CNTNAP5: variants seen among roughly 807,000 people sequenced by gnomAD.
CNTNAP5 encodes the protein contactin-associated protein-like 5.
Under a neutral mutation model 150.2 loss-of-function variants are expected in CNTNAP5, and 72 were observed. That is an observed-to-expected ratio of 0.48 (90% CI 0.40 to 0.58). CNTNAP5 has a LOEUF of 0.58. CNTNAP5 is among the 20% of genes least tolerant of loss of function. CNTNAP5 has a pLI of 0.00. For missense variants in CNTNAP5, 1,636 were observed against 1,626.2 expected, an observed-to-expected ratio of 1.01 and a Z score of -0.10; for synonymous variants, 672 against 619.8, an observed-to-expected ratio of 1.08 and a Z score of -1.25.
At chr2:124,285,677 C>G (rs1039986279) in intron 3 of CNTNAP5, among the ~76,000 whole-genome samples, 1 of 151,410 alleles carries the variant, frequency 6.6e-6, no homozygotes, top group Non-Finnish European at 1.5e-5. Flanking sequence ...GTGGCGTGTA[C>G]CTGTAGTCAG....
At chr2:124,425,981 C>T (rs1024454923) in intron 4 of CNTNAP5, among the ~76,000 whole-genome samples, 1 of 151,772 alleles carries the variant, frequency 6.6e-6, no homozygotes, top group African/African-American at 2.4e-5. Context: ...TTCAACAGTC[C>T]AGTTGAACTA....
At chr2:124,081,771 C>T (rs1682563720) in intron 1 of CNTNAP5, among the ~76,000 whole-genome samples, 1 of 152,136 alleles carries the variant, frequency 6.6e-6, no homozygotes, top group African/African-American at 2.4e-5. Context: ...TTGACCTGTT[C>T]ATTTTGAGAT....
In CNTNAP5 at chr2:124,465,649, G is replaced by T. The variant is rs780625998; in HGVS notation, c.919-9090G>T. ...ATCTGTGCCTCTGAGAAAATTTTAA[G>T]GAGGTATTCCACAAACATTCAACAA... On this transcript the variant is annotated intron_variant, in intron 6 of 23. Transcript: ENST00000682447. 4.6e-5 allele frequency among the ~76,000 whole-genome samples: 7 copies of T among 152,176 alleles called. No individual in the cohort carries two copies. In the South Asian group the frequency reaches 1.2e-3, roughly 27 times the overall value.
chr2:124,546,364 A>ATGTGTG (rs144497613), intron 10 of CNTNAP5, among the ~76,000 whole-genome samples: 179 of 150,618 alleles, frequency 1.2e-3, no homozygotes, highest in East Asian at 2.8e-3. Context: ...GGATTTCTCA[A>ATGTGTG]TGTGTGTGTG....
Position 124,911,469 on chromosome 2 carries a change from C to T in CNTNAP5, c.3658C>T (p.Pro1220Ser). 1.3e-6 allele frequency: 2 copies of T among 1,594,660 alleles called. No homozygotes were observed. The highest frequency in any genetic ancestry group is 2.3e-5 in the East Asian group (1 of 44,112). ...CCCATGTCTTTTACTCCTTTCAGATCCTTTTGGGAAGACAGATGAGCGGGA... is the reference window on the plus strand; with the variant it reads ...CCCATGTCTTTTACTCCTTTCAGATTCTTTTGGGAAGACAGATGAGCGGGA... ...AVTTVHSSSD[P>S]FGKTDEREPL... The change falls in exon 23 of 24, where the codon CCT becomes TCT. Residue 1220 changes from proline to serine, a missense_variant and splice_region_variant. Physicochemically the swap from Pro to Ser is moderately conservative, Grantham distance 74 (BLOSUM62 -1). Transcript: ENST00000682447.
chr2:124,333,228 C>T (rs898466819), intron 3 of CNTNAP5, among the ~76,000 whole-genome samples: 5 of 152,038 alleles, frequency 3.3e-5, no homozygotes, highest in African/African-American at 1.2e-4. Context: ...GTGATCGCAC[C>T]ATGGCACTCC....
At chr2:124,090,999 G>A (rs1304063623) in intron 1 of CNTNAP5, among the ~76,000 whole-genome samples, 1 of 152,228 alleles carries the variant, frequency 6.6e-6, no homozygotes, top group Non-Finnish European at 1.5e-5. Context: ...GAATGAGACA[G>A]AAGTGAAGAA....
intron 4 of CNTNAP5, among the ~76,000 whole-genome samples, chr2:124,427,509 T>C (rs1223164245): frequency 1.3e-5 from 2 of 152,046 alleles, no homozygotes; most frequent in East Asian, 3.9e-4. Flanking sequence ...CAGGCTAGAG[T>C]GCAGTGACAC....
In CNTNAP5 at chr2:124,417,344, G is replaced by T. The variant is rs532626517; in HGVS notation, c.382-99G>T. On this transcript the variant is annotated intron_variant, in intron 3 of 23. Transcript: ENST00000682447. ...TTCAATTGAAATACGTGAGAAATTA[G>T]GTATGTTCTCAGTACGAGTTCGTGG... The T allele has an allele frequency of 4.7e-5, 55 of 1,182,656 alleles. No individual in the cohort carries two copies. The East Asian group carries it at 1.3e-3, about 28-fold the overall frequency. The allele number at this position is 1,182,656 out of a possible 1,614,324, so 73.3% of individuals were successfully genotyped here. A position where few individuals can be genotyped will look rare whatever the true frequency, so the allele number is the denominator to read the frequency against.
intron 13 of CNTNAP5, among the ~76,000 whole-genome samples, chr2:124,708,487 C>T (rs1679740462): frequency 6.6e-6 from 1 of 152,056 alleles, no homozygotes; most frequent in Non-Finnish European, 1.5e-5. Flanking sequence ...ACATGGGAAC[C>T]TGGCAGTGCA....
At chr2:124,270,293 A>G (rs961744760) in intron 3 of CNTNAP5, among the ~76,000 whole-genome samples, 1 of 152,150 alleles carries the variant, frequency 6.6e-6, no homozygotes, top group East Asian at 1.9e-4. Flanking sequence ...TGGATGGCTG[A>G]GCAAGACTCC....
chr2:124,488,435 G>A (rs1485500812), intron 7 of CNTNAP5, among the ~76,000 whole-genome samples: 1 of 152,110 alleles, frequency 6.6e-6, no homozygotes, highest in Non-Finnish European at 1.5e-5. Context: ...ACTTCCCCAA[G>A]ATACGTAACT....
At chr2:124,629,981 A>AATT (rs1232425763) in intron 12 of CNTNAP5, among the ~76,000 whole-genome samples, 3 of 151,496 alleles carry the variant, frequency 2.0e-5, no homozygotes, top group Non-Finnish European at 4.4e-5. Context: ...GAAATGGATA[A>AATT]ATTCCTGGAC....
At chr2:124,720,405 C>A (rs1680025758) in intron 13 of CNTNAP5, among the ~76,000 whole-genome samples, 1 of 152,142 alleles carries the variant, frequency 6.6e-6, no homozygotes, top group African/African-American at 2.4e-5. Context: ...GCTGTAGACA[C>A]GTCTGGTTGC....
chr2:124,351,854 T>G (rs1296409461), intron 3 of CNTNAP5, among the ~76,000 whole-genome samples: 2 of 152,174 alleles, frequency 1.3e-5, no homozygotes, highest in African/African-American at 4.8e-5. Flanking sequence ...GTAATTACAT[T>G]ACTGAAGCAA....
chr2:124,191,462 A>G (rs1685455453), intron 1 of CNTNAP5, among the ~76,000 whole-genome samples: 1 of 152,184 alleles, frequency 6.6e-6, no homozygotes, highest in African/African-American at 2.4e-5. Context: ...CATTCCTTGA[A>G]ATTCTTGAAA....
chr2:124,543,603 G>GT (rs986816526), intron 10 of CNTNAP5, among the ~76,000 whole-genome samples: 1 of 152,106 alleles, frequency 6.6e-6, no homozygotes, highest in African/African-American at 2.4e-5. Flanking sequence ...AAGAAGAAAG[G>GT]TTTCACATTA....
At chr2:124,452,474 A>G (rs964503421) in intron 6 of CNTNAP5, among the ~76,000 whole-genome samples, 3 of 152,178 alleles carry the variant, frequency 2.0e-5, no homozygotes, top group African/African-American at 7.2e-5. Flanking sequence ...TAAATGAAGA[A>G]AAAGGGCATA....
At chr2:124,588,180 CTTTCTTTCTTTCTTTCTTTCTTT>C (rs1696592369) in intron 11 of CNTNAP5, among the ~76,000 whole-genome samples, 1 of 107,266 alleles carries the variant, frequency 9.3e-6, no homozygotes, top group Non-Finnish European at 1.9e-5. Flanking sequence ...TTCCTTCCTT[CTTTCTTTCTTTCTTTCTTTCTTT>C]CTTTCTTTCT....
Sources: allele counts gnomAD v4.1 joint callset (sites outside exome capture counted in the v4.1 genomes callset), GRCh38; gene constraint gnomAD v4.1.1; transcripts MANE v1.5; gene names NCBI Gene and HGNC (gene_info 2026-07-23, HGNC 2026-07-21).